OPTC: variants seen among roughly 807,000 people sequenced by gnomAD.
OPTC encodes the protein oculoglycan.
OPTC carries 22 observed loss-of-function variants against 25.4 expected under a neutral mutation model. The observed-to-expected ratio is 0.87, with a 90% CI of 0.62 to 1.24. The LOEUF (loss-of-function observed/expected upper bound fraction) is 1.24. OPTC is among the 50% of genes most tolerant of loss of function. The pLI is 0.00. For synonymous variants in OPTC, 169 were observed against 179.3 expected (o/e 0.94, Z 0.46); for missense variants, 417 against 425.2 (o/e 0.98, Z 0.17).
intron 5 of OPTC, among the ~76,000 whole-genome samples, chr1:203,502,027 A>T (rs4481909): frequency 8.6e-4 from 130 of 151,938 alleles, no homozygotes; most frequent in African/African-American, 3.0e-3. Context: ...CCTCTCTGAC[A>T]TTGTTTTCTC....
intron 2 of OPTC, among the ~76,000 whole-genome samples, chr1:203,496,758 C>T (rs976550667): frequency 6.6e-6 from 1 of 152,138 alleles, no homozygotes; most frequent in East Asian, 1.9e-4. Flanking sequence ...CATCCCTCTC[C>T]TCTCTGGGCC....
At chr1:203,499,569 G>C (rs1443391562) in intron 4 of OPTC, 80 bp from the exon 5 acceptor site, 17 of 1,148,172 alleles carry the variant, frequency 1.5e-5, no homozygotes, top group Admixed American at 5.1e-5. Flanking sequence ...ATGGAGCAAG[G>C]TGTGGAGACA....
rs145920517 is a variant in OPTC at position 203,499,712 on chromosome 1, G to A, written c.593G>A (p.Arg198His). 8.6e-5 allele frequency: 139 copies of A among 1,613,384 alleles called. No individual in the cohort carries two copies. The highest frequency in any genetic ancestry group is 3.3e-4 in the South Asian group (30 of 91,068). The change falls in exon 5 of 8, where the codon CGC becomes CAC. Residue 198 changes from arginine (R) to histidine (H), a missense_variant. By Grantham distance (29) the Arg-to-His change is conservative. Transcript: ENST00000367222. ...TCCTCCATCGATAATGATGCCTTCC[G>A]CCTGCTACATGCCCTCCAGGACCTC... is the stretch of plus-strand genomic sequence containing the variant. ...LISSIDNDAF[R>H]LLHALQDLIL...
At chr1:203,504,062 G>A (rs914964266) in intron 7 of OPTC, among the ~76,000 whole-genome samples, 1 of 152,206 alleles carries the variant, frequency 6.6e-6, no homozygotes, top group Non-Finnish European at 1.5e-5. Context: ...AGCTGTGGGA[G>A]AGGAAGAGGG....
At chr1:203,498,547 G>A (rs1165696457) in intron 3 of OPTC, 134 bp from the exon 4 acceptor site, 31 of 1,010,738 alleles carry the variant, frequency 3.1e-5, no homozygotes, top group South Asian at 1.0e-4. Context: ...CATGGTGCCC[G>A]TCAGTTCTGG....
intron 1 of OPTC, among the ~76,000 whole-genome samples, chr1:203,495,483 T>C (rs1440307180): frequency 6.6e-6 from 1 of 152,120 alleles, no homozygotes; most frequent in Non-Finnish European, 1.5e-5. Flanking sequence ...ACCACTGCAC[T>C]CCAGCCCGGG....
At chr1:203,500,960 T>A (rs1038586452) in intron 5 of OPTC, among the ~76,000 whole-genome samples, 2 of 152,180 alleles carry the variant, frequency 1.3e-5, no homozygotes, top group Non-Finnish European at 2.9e-5. Context: ...CAGGTTCTGC[T>A]CCCTGAAAAC....
In OPTC at chr1:203,503,672, C is replaced by T; in HGVS notation, c.951C>T (p.Pro317=). ...DGNPINLSLF[P]SAYFCLPRLP... is the part of the protein sequence containing the mutation. The stretch of plus-strand genomic sequence containing the variant: ...ACCCCATCAACCTCAGCCTCTTCCC[C>T]AGCGCCTACTTCTGCCTGCCTCGGC... Residue 317 remains proline (P), a synonymous_variant, in exon 7 of 8, where the codon CCC becomes CCT. Transcript: ENST00000367222. 6.2e-7 allele frequency: 1 copy of T among 1,612,650 alleles called. No individual in the cohort carries two copies. Among genetic ancestry groups the T allele is most frequent in the South Asian group, 1.1e-5 (1 of 91,084 alleles).
chr1:203,498,626 A>T lies in OPTC; in HGVS notation c.371-55A>T. On this transcript the variant is annotated intron_variant, in intron 3 of 7. Transcript: ENST00000367222. Reference sequence around the variant, plus strand: ...TCAGACACTCCCTGGGGCGAGGGCCATTGGCCCCAGAGGCTAAAGAGATCT... The same window carrying T: ...TCAGACACTCCCTGGGGCGAGGGCCTTTGGCCCCAGAGGCTAAAGAGATCT... 1.9e-6 allele frequency: 3 copies of T among 1,608,142 alleles called. No homozygotes were observed. In the South Asian group the frequency reaches 3.3e-5, roughly 18 times the overall value.
At chr1:203,504,203 A>G (rs1176754097) in intron 7 of OPTC, among the ~76,000 whole-genome samples, 2 of 152,252 alleles carry the variant, frequency 1.3e-5, no homozygotes, top group East Asian at 3.8e-4. Context: ...CACAGCCATT[A>G]TGAAAAATTA....
intron 5 of OPTC, among the ~76,000 whole-genome samples, chr1:203,500,515 A>G (rs1291487437): frequency 6.7e-6 from 1 of 148,524 alleles, no homozygotes; most frequent in African/African-American, 2.5e-5. Context: ...CACTCCCACC[A>G]TGCACCTCCA....
At position 203,503,827 on chromosome 1, in the gene OPTC, C is replaced by T. The variant is rs553187048; in HGVS notation, c.*25+82C>T. ...CTTATCTTTAAACGGTGATCTTTAG[C>T]CCAGGCATTAATCAACCTCTCGATC... On this transcript the variant is annotated intron_variant, in intron 7 of 7. Coordinates refer to ENST00000367222, the MANE Select transcript of OPTC (RefSeq NM_014359.4). 35 of 1,233,564 alleles carry T rather than the reference C, an allele frequency of 2.8e-5. No homozygotes were observed. In the South Asian group the frequency reaches 4.1e-4, roughly 15 times the overall value. The allele number at this position is 1,233,564 out of a possible 1,614,324, so 76.4% of individuals were successfully genotyped here. A position where few individuals can be genotyped will look rare whatever the true frequency, so the allele number is the denominator to read the frequency against.
At chr1:203,497,689 G>A (rs1447104957) in intron 3 of OPTC, among the ~76,000 whole-genome samples, 3 of 152,146 alleles carry the variant, frequency 2.0e-5, no homozygotes, top group African/African-American at 4.8e-5. Flanking sequence ...CTGCTTGCCC[G>A]CGGTTTCCCT....
intron 1 of OPTC, among the ~76,000 whole-genome samples, chr1:203,495,554 T>C (rs576008162): frequency 4.8e-4 from 73 of 152,244 alleles, no homozygotes; most frequent in African/African-American, 1.7e-3. Flanking sequence ...ATAAGATTAT[T>C]TGATGTTGAC....
At chr1:203,506,152 CTT>C (rs1211629662) in intron 7 of OPTC, among the ~76,000 whole-genome samples, 12 of 140,568 alleles carry the variant, frequency 8.5e-5, no homozygotes, top group Non-Finnish European at 1.2e-4. Context: ...TTTCTTTTTT[CTT>C]TTTTTTTTTT....
At chr1:203,500,930 C>T (rs1485747710) in intron 5 of OPTC, among the ~76,000 whole-genome samples, 2 of 152,180 alleles carry the variant, frequency 1.3e-5, no homozygotes, top group Admixed American at 6.5e-5. Flanking sequence ...GTTTGCTCAC[C>T]AGCATCCTCT....
At position 203,498,848 on chromosome 1, in the gene OPTC, T is replaced by C. The variant is rs1183240734; in HGVS notation, c.529+9T>C. The C allele has an allele frequency of 1.9e-6, 3 of 1,613,506 alleles. No individual in the cohort carries two copies. In the African/African-American group the frequency reaches 4.0e-5, roughly 22 times the overall value. The stretch of plus-strand genomic sequence containing the variant: ...AGACTTCAAAGGGCTGAGTATGTAA[T>C]GCCCTGGGAAAAGAGGAGTGGGGGC... On this transcript the variant is annotated intron_variant, in intron 4 of 7. Transcript: ENST00000367222.
At chr1:203,498,618 C>T (rs758175495) in intron 3 of OPTC, 63 bp from the exon 4 acceptor site, 56 of 1,597,694 alleles carry the variant, frequency 3.5e-5, no homozygotes, top group Admixed American at 2.3e-4. Flanking sequence ...CTCCCTGGGG[C>T]GAGGGCCATT....
chr1:203,499,788 T>C lies in OPTC; in HGVS notation c.669T>C (p.Ile223=). Residue 223 remains isoleucine (I), a synonymous_variant, in exon 5 of 8, where the codon ATT becomes ATC. Transcript: ENST00000367222. ...CTCTGCCCGTGCTGCCCAGTGGCATTGAGTTCCTGGATGTCCGCCTAAATC... is the reference window on the plus strand; with the variant it reads ...CTCTGCCCGTGCTGCCCAGTGGCATCGAGTTCCTGGATGTCCGCCTAAATC... The part of the protein sequence containing the change: ...LEALPVLPSG[I]EFLDVRLNRL... 6.2e-7 allele frequency: 1 copy of C among 1,612,776 alleles called. No homozygotes were observed. The highest frequency in any genetic ancestry group is 8.5e-7 in the Non-Finnish European group (1 of 1,179,904).
Sources: allele counts gnomAD v4.1 joint callset (sites outside exome capture counted in the v4.1 genomes callset), GRCh38; gene constraint gnomAD v4.1.1; transcripts MANE v1.5; gene names NCBI Gene and HGNC (gene_info 2026-07-23, HGNC 2026-07-21).